The following ZFYVE9 variants were observed in gnomAD, a reference collection of about 807,000 sequenced individuals.
ZFYVE9 encodes the protein zinc finger FYVE domain-containing protein 9.
A neutral mutation model predicts 126.7 loss-of-function variants in ZFYVE9; 43 were observed. The ratio of observed to expected loss-of-function variants is 0.34; its 90% CI spans 0.27 to 0.44. ZFYVE9 has a LOEUF of 0.44. Among genes scored for constraint, ZFYVE9 ranks in the 20% least tolerant of loss-of-function variants. The pLI is 1.00. For synonymous variants in ZFYVE9, 521 were observed against 597.4 expected, an observed-to-expected ratio of 0.87 and a Z score of 1.87; for missense variants, 1,476 against 1,697.0, an observed-to-expected ratio of 0.87 and a Z score of 2.29.
chr1:52,222,149 ATTGCTG>A (rs1645129487), intron 2 of ZFYVE9, among the ~76,000 whole-genome samples: 1 of 152,182 alleles, frequency 6.6e-6, no homozygotes, highest in African/African-American at 2.4e-5. Flanking sequence ...GTTAACTGAA[ATTGCTG>A]TTACTTGATC....
At chr1:52,162,943 C>T in intron 1 of ZFYVE9, 1 of 498,176 alleles carries the variant, frequency 2.0e-6, no homozygotes, top group Non-Finnish European at 3.8e-6. Flanking sequence ...CAATTTTACA[C>T]AAGCAGGAGT....
rs1193181124 is a variant in ZFYVE9, at chr1:52,253,723, T to A, written c.2179-10050T>A. On this transcript the variant is annotated intron_variant, in intron 4 of 18. Coordinates refer to ENST00000287727, the MANE Select transcript of ZFYVE9 (RefSeq NM_004799.4). ...GTCACAAGCTGTTTGGTCACTCTCA[T>A]CTTGCAAACCAGGATTTGGAGTGGA... 3.1e-6 allele frequency: 5 copies of A among 1,607,370 alleles called. No homozygotes were observed. In the East Asian group the frequency reaches 8.9e-5, roughly 29 times the overall value.
chr1:52,179,165 G>A (rs1158742411), intron 1 of ZFYVE9, among the ~76,000 whole-genome samples: 1 of 152,192 alleles, frequency 6.6e-6, no homozygotes, highest in African/African-American at 2.4e-5. Context: ...GTTCTTAGAT[G>A]TCTGGGTTTG....
At chr1:52,203,371 C>T (rs946062800) in intron 1 of ZFYVE9, among the ~76,000 whole-genome samples, 7 of 151,050 alleles carry the variant, frequency 4.6e-5, no homozygotes, top group South Asian at 4.2e-4. Flanking sequence ...TTAGTAGAGA[C>T]GGGGTTTCAC....
At chr1:52,283,580 T>A (rs907447678) in intron 10 of ZFYVE9, among the ~76,000 whole-genome samples, 3 of 152,170 alleles carry the variant, frequency 2.0e-5, no homozygotes, top group Non-Finnish European at 4.4e-5. Context: ...TCACAGACAT[T>A]ATGCTGAGCA....
intron 5 of ZFYVE9, among the ~76,000 whole-genome samples, chr1:52,266,111 T>A (rs1342955738): frequency 6.6e-6 from 1 of 152,052 alleles, no homozygotes; most frequent in African/African-American, 2.4e-5. Flanking sequence ...TATTTTTAAT[T>A]TTTTTGAGAT....
intron 13 of ZFYVE9, among the ~76,000 whole-genome samples, chr1:52,326,053 G>C (rs1646288443): frequency 6.6e-6 from 1 of 152,208 alleles, no homozygotes; most frequent in African/African-American, 2.4e-5. Flanking sequence ...TGCTAAAATG[G>C]TTCTTATGAG....
intron 1 of ZFYVE9, chr1:52,180,185 G>T: frequency 6.6e-6 from 10 of 1,522,744 alleles, no homozygotes; most frequent in Non-Finnish European, 9.1e-6. Context: ...GGGTCGTCTT[G>T]CACCTTTACA....
intron 4 of ZFYVE9, among the ~76,000 whole-genome samples, chr1:52,255,578 C>T (rs1166147285): frequency 7.4e-6 from 1 of 134,302 alleles, no homozygotes; most frequent in African/African-American, 2.9e-5. Context: ...AGAGCAAAAC[C>T]ATCTCAAAAA....
chr1:52,152,406 C>T lies in ZFYVE9; in HGVS notation c.-143+10003C>T, dbSNP rs557873383. 1.3e-4 allele frequency among the ~76,000 whole-genome samples: 20 copies of T among 152,238 alleles called. No homozygotes were observed. The South Asian group carries it at 2.5e-3, about 19-fold the overall frequency. Reference sequence around the variant, plus strand: ...CTGTTTTTTAAAGTCTCACCCTCACCGTATCCGAGACTTTGAACTCTCAGA... The same window carrying T: ...CTGTTTTTTAAAGTCTCACCCTCACTGTATCCGAGACTTTGAACTCTCAGA... On this transcript the variant is annotated intron_variant, in intron 1 of 18. Coordinates refer to ENST00000287727, the MANE Select transcript of ZFYVE9 (RefSeq NM_004799.4).
At chr1:52,311,819 C>G (rs1367887557) in intron 13 of ZFYVE9, among the ~76,000 whole-genome samples, 1 of 150,854 alleles carries the variant, frequency 6.6e-6, no homozygotes, top group Non-Finnish European at 1.5e-5. Context: ...TAGATGAAGT[C>G]TCACTCCATC....
intron 1 of ZFYVE9, among the ~76,000 whole-genome samples, chr1:52,185,378 A>G (rs1202894665): frequency 6.6e-6 from 1 of 152,216 alleles, no homozygotes; most frequent in Non-Finnish European, 1.5e-5. Flanking sequence ...GGAAAGACTT[A>G]TTCTGACAAA....
chr1:52,238,678 A>G lies in ZFYVE9; in HGVS notation c.1261A>G (p.Lys421Glu), dbSNP rs61753464. ...TAGCCAAGTAAACGAAGAAAAGGAA[A>G]AGTTTCTACAGATTAGTCAGCCTGA... ...NDSQVNEEKEKFLQISQPEDT... is the reference protein window; with the variant it reads ...NDSQVNEEKEEFLQISQPEDT... The change falls in exon 4 of 19, where the codon AAG becomes GAG. Residue 421 changes from lysine to glutamate, a missense_variant. By Grantham distance (56) the Lys-to-Glu change is moderately conservative. Around this residue, in one of 2 missense-constraint regions of ZFYVE9, gnomAD observed 807 missense variants for 794.6 expected, o/e 1.02. Transcript: ENST00000287727. 5.9e-4 allele frequency: 957 copies of G among 1,614,090 alleles called. 7 individuals carry two copies. The African/African-American group carries it at 0.011, about 19-fold the overall frequency.
At chr1:52,300,772 T>C (rs1320480711) in intron 12 of ZFYVE9, among the ~76,000 whole-genome samples, 1 of 151,760 alleles carries the variant, frequency 6.6e-6, no homozygotes, top group Non-Finnish European at 1.5e-5. Context: ...CTTTTGTATT[T>C]CTAACAACAT....
intron 1 of ZFYVE9, among the ~76,000 whole-genome samples, chr1:52,166,195 G>A (rs1314798465): frequency 6.6e-6 from 1 of 152,212 alleles, no homozygotes; most frequent in Non-Finnish European, 1.5e-5. Context: ...TGGCAGTGAA[G>A]AATAAGACTA....
intron 1 of ZFYVE9, among the ~76,000 whole-genome samples, chr1:52,212,003 A>G (rs1053190973): frequency 1.3e-5 from 2 of 152,146 alleles, no homozygotes; most frequent in African/African-American, 4.8e-5. Flanking sequence ...ATTTTAAATG[A>G]TGGTTCTTTA....
At chr1:52,279,356 G>C (rs1338451340) in intron 9 of ZFYVE9, among the ~76,000 whole-genome samples, 1 of 152,160 alleles carries the variant, frequency 6.6e-6, no homozygotes. Context: ...TTTAGGAAAA[G>C]TGTTAACTAA....
In ZFYVE9 at chr1:52,142,983, C is replaced by CGA. The variant is rs1644274774; in HGVS notation, c.-143+580_-143+581insGA. 6.6e-6 allele frequency among the ~76,000 whole-genome samples: 1 copy of CGA among 152,220 alleles called. No homozygotes were observed. Among genetic ancestry groups the CGA allele is most frequent in the South Asian group, 2.1e-4 (1 of 4,834 alleles). On this transcript the variant is annotated intron_variant, in intron 1 of 18. Coordinates refer to ENST00000287727, the MANE Select transcript of ZFYVE9 (RefSeq NM_004799.4). The surrounding 1 kb of genome is among the most constrained non-coding windows in gnomAD (Gnocchi z 4.5). ...CGTCTTATTTGAGGTGAAATTTCATCACCTGCCGGTTGCTCATTCCTGCCT... is the reference window on the plus strand; with the variant it reads ...CGTCTTATTTGAGGTGAAATTTCATCGAACCTGCCGGTTGCTCATTCCTGCCT...
intron 13 of ZFYVE9, among the ~76,000 whole-genome samples, chr1:52,320,214 GCA>G (rs1646226329): frequency 6.6e-6 from 1 of 151,740 alleles, no homozygotes; most frequent in African/African-American, 2.4e-5. Context: ...GGGATTACAG[GCA>G]CATGCCACCA....
Sources: allele counts gnomAD v4.1 joint callset (sites outside exome capture counted in the v4.1 genomes callset), GRCh38; gene constraint gnomAD v4.1.1; regional missense constraint gnomAD v4.1.1; non-coding constraint Gnocchi (gnomAD v3.1); transcripts MANE v1.5; gene names NCBI Gene and HGNC (gene_info 2026-07-23, HGNC 2026-07-21).